CACNA1G: variants seen among roughly 807,000 people sequenced by gnomAD.
CACNA1G encodes the protein calcium voltage-gated channel subunit alpha1 G.
Under a neutral mutation model 219.4 loss-of-function variants are expected in CACNA1G, and 67 were observed. The observed-to-expected ratio is 0.31, with a 90% CI of 0.25 to 0.37. The LOEUF is 0.37. Among genes scored for constraint, CACNA1G ranks in the 10% least tolerant of loss-of-function variants. CACNA1G has a pLI of 1.00. For synonymous variants in CACNA1G, 1,296 were observed against 1,345.3 expected, an observed-to-expected ratio of 0.96 and a Z score of 0.80; for missense variants, 2,380 against 3,231.4, an observed-to-expected ratio of 0.74 and a Z score of 6.39.
intron 4 of CACNA1G, among the ~76,000 whole-genome samples, chr17:50,570,747 CG>C (rs2039250602): frequency 6.6e-6 from 1 of 152,064 alleles, no homozygotes; most frequent in Non-Finnish European, 1.5e-5. Flanking sequence ...GTCTAACCAC[CG>C]GTGTAATTCC....
chr17:50,606,944 G>A lies in CACNA1G; in HGVS notation c.4467G>A (p.Val1489=). 6.2e-7 allele frequency: 1 copy of A among 1,613,956 alleles called. No homozygotes were observed. Among genetic ancestry groups the A allele is most frequent in the African/African-American group, 1.3e-5 (1 of 75,046 alleles). ...LFVLASKDGW[V]DIMYDGLDAV... ...TTTTGGCCTCCAAGGATGGTTGGGT[G>A]GACATCATGTACGATGGGCTGGATG... The change falls in exon 24 of 38, where the codon GTG becomes GTA. Residue 1489 remains valine, a synonymous_variant. Coordinates refer to ENST00000359106, the MANE Select transcript of CACNA1G (RefSeq NM_018896.5).
At chr17:50,604,095 G>T in intron 21 of CACNA1G, 60 bp from the exon 22 acceptor site, 1 of 1,554,860 alleles carries the variant, frequency 6.4e-7, no homozygotes. Context: ...GCAGGGTCAA[G>T]GGACAAGGGA....
chr17:50,565,370 AG>A (rs2037435294), intron 1 of CACNA1G, among the ~76,000 whole-genome samples: 1 of 86,270 alleles, frequency 1.2e-5, no homozygotes, highest in African/African-American at 4.8e-5. Context: ...ACAGGGAAAT[AG>A]GCTTGTGGGG....
intron 9 of CACNA1G, among the ~76,000 whole-genome samples, chr17:50,590,053 G>C (rs1212296059): frequency 1.3e-5 from 2 of 152,128 alleles, no homozygotes; most frequent in South Asian, 2.1e-4. Flanking sequence ...TGACGACCGG[G>C]TGTGCCTGTG....
chr17:50,625,931 G>T (rs1029756888), intron 37 of CACNA1G, 86 bp from the exon 38 acceptor site: 7 of 1,433,996 alleles, frequency 4.9e-6, no homozygotes, highest in Non-Finnish European at 6.6e-6. Context: ...GGTGGTGGTG[G>T]GCAGGGGGCA....
intron 7 of CACNA1G, among the ~76,000 whole-genome samples, 173 bp from the exon 8 acceptor site, chr17:50,575,370 T>C (rs1268431432): frequency 6.6e-6 from 1 of 152,188 alleles, no homozygotes; most frequent in Admixed American, 6.5e-5. Context: ...ACCTGTCTGA[T>C]GGAGATTACA....
At chr17:50,615,243 T>C in intron 26 of CACNA1G, 118 bp from the exon 27 acceptor site, 2 of 1,029,114 alleles carry the variant, frequency 1.9e-6, no homozygotes, top group Non-Finnish European at 2.7e-6. Context: ...AGGATGGTGA[T>C]GATTATGGAA....
In CACNA1G at chr17:50,624,497, T is replaced by C; in HGVS notation, c.6367T>C (p.Ser2123Pro). 6.3e-7 allele frequency: 1 copy of C among 1,598,732 alleles called. No individual in the cohort carries two copies. Among genetic ancestry groups the C allele is most frequent in the Non-Finnish European group, 8.5e-7 (1 of 1,173,100 alleles). Reference sequence around the variant, plus strand: ...CCCCAAACTGCCCCCACCAGGACGCTCCCCTTTGGCTCAGAGGCCACTCAG... The same window carrying C: ...CCCCAAACTGCCCCCACCAGGACGCCCCCCTTTGGCTCAGAGGCCACTCAG... Reference protein sequence around the residue: ...TIPKLPPPGRSPLAQRPLRRQ... With the variant: ...TIPKLPPPGRPPLAQRPLRRQ... The change falls in exon 37 of 38, where the codon TCC (serine) becomes CCC (proline). Residue 2123 changes from serine (S) to proline (P), a missense_variant. This residue lies in a region of CACNA1G where 672 missense variants were observed against 670.5 expected (regional missense o/e 1.00). Coordinates refer to ENST00000359106, the MANE Select transcript of CACNA1G (RefSeq NM_018896.5).
At position 50,596,248 on chromosome 17, in the gene CACNA1G, C is replaced by T. The variant is rs1233133014; in HGVS notation, c.2980-314C>T. On this transcript the variant is annotated intron_variant, in intron 14 of 37. Transcript: ENST00000359106. This position sits in a 1 kb window ranked among gnomAD's most constrained non-coding sequence, Gnocchi z 4.8. ...GGTCCCCAGCCCCCTCTGGCCTGTG[C>T]CACCTGCCACCTAGCTACCCCTTCT... 6.6e-6 allele frequency among the ~76,000 whole-genome samples: 1 copy of T among 152,200 alleles called. No homozygotes were observed. The highest frequency in any genetic ancestry group is 1.9e-4 in the East Asian group (1 of 5,198).
At chr17:50,565,755 CTCTA>C (rs2037646069) in intron 1 of CACNA1G, among the ~76,000 whole-genome samples, 2 of 152,168 alleles carry the variant, frequency 1.3e-5, no homozygotes, top group Non-Finnish European at 2.9e-5. Context: ...TAAGCAAGGG[CTCTA>C]TCTAGATAAA....
At chr17:50,624,311 C>T in intron 36 of CACNA1G, 49 bp from the exon 37 acceptor site, 1 of 1,477,324 alleles carries the variant, frequency 6.8e-7, no homozygotes, top group Non-Finnish European at 9.3e-7. Context: ...CTGAACCCTC[C>T]AGCTCCATTC....
At chr17:50,565,751 A>G (rs770163750) in intron 1 of CACNA1G, among the ~76,000 whole-genome samples, 14 of 152,254 alleles carry the variant, frequency 9.2e-5, no homozygotes, top group Non-Finnish European at 1.3e-4. Context: ...AGGCTAAGCA[A>G]GGGCTCTATC....
Position 50,624,446 on chromosome 17 carries a change from C to A in CACNA1G, c.6316C>A (p.His2106Asn). The A allele has an allele frequency of 1.2e-6, 2 of 1,600,442 alleles. No individual in the cohort carries two copies. The highest frequency in any genetic ancestry group is 1.1e-5 in the South Asian group (1 of 87,952). Residue 2106 changes from histidine to asparagine, a missense_variant, in exon 37 of 38, where the codon CAC becomes AAC. Transcript: ENST00000359106. ...AGATGCACCTCATCTGCTCCAGCCC[C>A]ACAGCGCCCCAACCTGGGGCACCAT... ...PKDAPHLLQPHSAPTWGTIPK... is the reference protein window; with the variant it reads ...PKDAPHLLQPNSAPTWGTIPK...
intron 13 of CACNA1G, among the ~76,000 whole-genome samples, chr17:50,592,422 A>C (rs774516774): frequency 8.5e-5 from 13 of 152,108 alleles, no homozygotes; most frequent in Non-Finnish European, 1.5e-4. Context: ...ACTCCTGAGC[A>C]CAGTGCTCTA....
At position 50,605,924 on chromosome 17, in the gene CACNA1G, C is replaced by T. The variant is rs776582291; in HGVS notation, c.4323C>T (p.Cys1441=). 5.6e-6 allele frequency: 9 copies of T among 1,613,308 alleles called. No homozygotes were observed. Among genetic ancestry groups the T allele is most frequent in the Non-Finnish European group, 1.7e-6 (2 of 1,179,842 alleles). ...TCTTCAAAGGGAAGTTTTTCGTGTGCCAGGGCGAGGATACCAGGAACATCA... is the reference window on the plus strand; with the variant it reads ...TCTTCAAAGGGAAGTTTTTCGTGTGTCAGGGCGAGGATACCAGGAACATCA... ...VQLFKGKFFV[C]QGEDTRNITN... The change falls in exon 23 of 38, where the codon TGC becomes TGT. Residue 1441 remains cysteine (C), a synonymous_variant. Coordinates refer to ENST00000359106, the MANE Select transcript of CACNA1G (RefSeq NM_018896.5).
chr17:50,623,864 G>A (rs768820129), intron 35 of CACNA1G, 43 bp from the exon 36 acceptor site: 9 of 1,583,754 alleles, frequency 5.7e-6, no homozygotes, highest in Admixed American at 3.4e-5. Context: ...CCAAACCCAC[G>A]CACACCCTCT....
In CACNA1G at chr17:50,587,323, G is replaced by A. The variant is rs141727514; in HGVS notation, c.2302-3148G>A. 5.5e-4 allele frequency among the ~76,000 whole-genome samples: 84 copies of A among 152,248 alleles called. 1 individual carries two copies. In the South Asian group the frequency reaches 6.4e-3, roughly 12 times the overall value. ...TCTAGGAGGCTCACAGCCCTCCCTC[G>A]TTTGTTGTGAGCAGGGAGGAAATGA... On this transcript the variant is annotated intron_variant, in intron 9 of 37. Transcript: ENST00000359106.
In CACNA1G at chr17:50,578,121, A is replaced by G; in HGVS notation, c.1925-67A>G. The G allele has an allele frequency of 1.3e-6, 2 of 1,482,048 alleles. No individual in the cohort carries two copies. Among genetic ancestry groups the G allele is most frequent in the South Asian group, 2.9e-5 (2 of 70,078 alleles). 91.8% of individuals were successfully genotyped at this position (1,482,048 alleles called of 1,614,324 possible). ...AGACTCCCTGACTCATTTTACACATACTCACAGGGCAGGGTAGCCCCAGGT... is the reference window on the plus strand; with the variant it reads ...AGACTCCCTGACTCATTTTACACATGCTCACAGGGCAGGGTAGCCCCAGGT... On this transcript the variant is annotated intron_variant, in intron 8 of 37. Transcript: ENST00000359106. This position sits in a 1 kb window ranked among gnomAD's most constrained non-coding sequence, Gnocchi z 4.5.
In CACNA1G at chr17:50,607,922, G is replaced by C. The variant is rs765009410; in HGVS notation, c.4608G>C (p.Val1536=). The part of the protein sequence containing the change: ...FFVLNMFVGV[V]VENFHKCRQH... The stretch of plus-strand genomic sequence containing the variant: ...TCCTGAACATGTTTGTGGGTGTGGT[G>C]GTGGAGAACTTCCACAAGTGTCGGC... The change falls in exon 25 of 38, where the codon GTG becomes GTC. Residue 1536 remains valine, a synonymous_variant. Transcript: ENST00000359106. 9.9e-6 allele frequency: 16 copies of C among 1,613,898 alleles called. No homozygotes were observed. In the East Asian group the frequency reaches 1.6e-4, roughly 16 times the overall value.
Sources: gnomAD v4.1 joint callset for allele counts (sites outside exome capture counted in the v4.1 genomes callset) on GRCh38, gnomAD v4.1.1 for gene constraint, gnomAD v4.1.1 regional missense constraint, Gnocchi (gnomAD v3.1) non-coding constraint, MANE v1.5 for transcripts, NCBI Gene and HGNC (gene_info 2026-07-23, HGNC 2026-07-21) for gene names.